ME1: variants seen among roughly 807,000 people sequenced by gnomAD.
The protein encoded by ME1 is malic enzyme 1, also known as NADP-dependent malic enzyme.
In ME1, 74 loss-of-function variants were observed where a neutral mutation model predicts 66.4. That is an observed-to-expected ratio of 1.11 (90% CI 0.92 to 1.35). ME1 has a LOEUF of 1.35. Among genes scored for constraint, ME1 ranks in the 40% most tolerant of loss-of-function variants. ME1 has a pLI of 0.00. For synonymous variants in ME1, 251 were observed against 235.6 expected (o/e 1.07, Z -0.60); for missense variants, 750 against 694.1 (o/e 1.08, Z -0.90).
At chr6:83,239,422 C>G (rs1790471126) in intron 8 of ME1, 117 bp downstream of exon 8, 2 of 621,124 alleles carry the variant, frequency 3.2e-6, no homozygotes, top group Admixed American at 5.4e-5. Flanking sequence ...TTCCATAAAG[C>G]CTACAGTCAT....
At chr6:83,345,541 T>G (rs1302420678) in intron 5 of ME1, among the ~76,000 whole-genome samples, 1 of 152,188 alleles carries the variant, frequency 6.6e-6, no homozygotes, top group Non-Finnish European at 1.5e-5. Context: ...TGATGATATA[T>G]CTGTTTGGGA....
At chr6:83,269,548 A>C (rs924383164) in intron 6 of ME1, among the ~76,000 whole-genome samples, 1 of 152,146 alleles carries the variant, frequency 6.6e-6, no homozygotes, top group Non-Finnish European at 1.5e-5. Context: ...AGTTTTCTAA[A>C]TTGTCTAATT....
intron 3 of ME1, chr6:83,393,035 T>C: frequency 1.6e-6 from 2 of 1,245,010 alleles, no homozygotes; most frequent in Non-Finnish European, 2.3e-6. Flanking sequence ...CTGCCTCTAC[T>C]GGTGCTGCCA....
At position 83,352,152 on chromosome 6, in the gene ME1, A is replaced by AG; in HGVS notation, c.363-14_363-13insC. On this transcript the variant is annotated splice_polypyrimidine_tract_variant and intron_variant, in intron 3 of 13. Transcript: ENST00000369705. Reference sequence around the variant, plus strand: ...AATAAAGAGACCTCTGCAGAAAAAAAAAAAAAAAAAGGAGTAGTTTACATT... The same window carrying AG: ...AATAAAGAGACCTCTGCAGAAAAAAAGAAAAAAAAAAGGAGTAGTTTACATT... 1 of 1,504,068 alleles carries AG rather than the reference A, an allele frequency of 6.6e-7. No homozygotes were observed. The highest frequency in any genetic ancestry group is 8.9e-7 in the Non-Finnish European group (1 of 1,126,694). The allele number at this position is 1,504,068 out of a possible 1,614,324, so 93.2% of individuals were successfully genotyped here. A position where few individuals can be genotyped will look rare whatever the true frequency, so the allele number is the denominator to read the frequency against.
chr6:83,280,614 T>C (rs1002374249), intron 6 of ME1, among the ~76,000 whole-genome samples: 12 of 152,230 alleles, frequency 7.9e-5, no homozygotes, highest in African/African-American at 2.9e-4. Context: ...TTTCACATTT[T>C]GTCTCCACTA....
chr6:83,406,213 C>A (rs1010413018), intron 2 of ME1, among the ~76,000 whole-genome samples: 2 of 152,144 alleles, frequency 1.3e-5, no homozygotes, highest in East Asian at 3.9e-4. Flanking sequence ...TTTTGATGTG[C>A]TGCTGGATTC....
chr6:83,233,478 T>C (rs1413507277), intron 9 of ME1, among the ~76,000 whole-genome samples: 2 of 152,040 alleles, frequency 1.3e-5, no homozygotes, highest in Non-Finnish European at 2.9e-5. Context: ...CCACTGCACA[T>C]ATGGATATGG....
intron 3 of ME1, among the ~76,000 whole-genome samples, chr6:83,379,019 C>T (rs1342819743): frequency 1.3e-5 from 2 of 152,056 alleles, no homozygotes; most frequent in Non-Finnish European, 2.9e-5. Flanking sequence ...TATAGAAATG[C>T]TCTAATTACT....
intron 11 of ME1, 66 bp from the exon 12 acceptor site, chr6:83,223,999 A>C: frequency 7.2e-7 from 1 of 1,389,914 alleles, no homozygotes; most frequent in Non-Finnish European, 1.0e-6. Context: ...AATGTATCAT[A>C]ACAGAACTAC....
intron 3 of ME1, among the ~76,000 whole-genome samples, chr6:83,367,340 T>TA (rs1769117390): frequency 6.6e-6 from 1 of 152,146 alleles, no homozygotes; most frequent in Admixed American, 6.5e-5. Context: ...GGCTTCAACT[T>TA]AGAGTCACCA....
chr6:83,343,190 C>T (rs1768622132), intron 5 of ME1, among the ~76,000 whole-genome samples: 1 of 152,178 alleles, frequency 6.6e-6, no homozygotes, highest in Non-Finnish European at 1.5e-5. Context: ...CACACCCTTC[C>T]CAGCCTTTGG....
chr6:83,287,629 T>C (rs1402943656), intron 6 of ME1, among the ~76,000 whole-genome samples: 1 of 152,210 alleles, frequency 6.6e-6, no homozygotes, highest in East Asian at 1.9e-4. Flanking sequence ...TGCATGTGTC[T>C]TTATCGTAGA....
At chr6:83,308,589 T>C (rs1371726252) in intron 6 of ME1, among the ~76,000 whole-genome samples, 1 of 151,616 alleles carries the variant, frequency 6.6e-6, no homozygotes, top group Non-Finnish European at 1.5e-5. Context: ...TCTAATAAGT[T>C]CTTCCATTCA....
At chr6:83,341,040 A>G (rs1157375800) in intron 5 of ME1, among the ~76,000 whole-genome samples, 1 of 152,076 alleles carries the variant, frequency 6.6e-6, no homozygotes, top group Non-Finnish European at 1.5e-5. Context: ...AACGCTGGCC[A>G]TGCCAGAAAG....
intron 6 of ME1, among the ~76,000 whole-genome samples, chr6:83,297,481 C>T (rs757096210): frequency 1.1e-4 from 17 of 152,180 alleles, no homozygotes; most frequent in African/African-American, 1.4e-4. Context: ...TATGGAACCA[C>T]GAAAAAACCT....
rs542530634 is a variant in ME1 at position 83,394,739 on chromosome 6, A to G, written c.362+3628T>C. On this transcript the variant is annotated intron_variant, in intron 3 of 13. Coordinates refer to ENST00000369705, the MANE Select transcript of ME1 (RefSeq NM_002395.6). Reference sequence around the variant, plus strand: ...TCTTTAAATTCAGAGCCAAAAGTAGAAAGACATATGCAACTTGAACTTTTG... The same window carrying G: ...TCTTTAAATTCAGAGCCAAAAGTAGGAAGACATATGCAACTTGAACTTTTG... Among the ~76,000 whole-genome samples, 292 of 152,322 alleles carry G rather than the reference A, an allele frequency of 1.9e-3. 2 individuals are homozygous for G. Among genetic ancestry groups the G allele is most frequent in the African/African-American group, 6.8e-3 (282 of 41,586 alleles).
At chr6:83,310,764 T>A (rs1224928729) in intron 6 of ME1, among the ~76,000 whole-genome samples, 6 of 152,016 alleles carry the variant, frequency 3.9e-5, no homozygotes, top group Admixed American at 3.9e-4. Context: ...CACAAAAAGC[T>A]CAGAGAAAGT....
At chr6:83,357,790 G>A (rs1768918777) in intron 3 of ME1, among the ~76,000 whole-genome samples, 3 of 150,788 alleles carry the variant, frequency 2.0e-5, no homozygotes, top group South Asian at 4.2e-4. Flanking sequence ...CTCGAACATC[G>A]AACTCCAAGT....
intron 6 of ME1, among the ~76,000 whole-genome samples, chr6:83,309,802 G>T (rs952072854): frequency 2.0e-5 from 3 of 152,072 alleles, no homozygotes; most frequent in African/African-American, 7.2e-5. Context: ...AGGGAGTGGG[G>T]AAGATGAAAA....
Sources: gnomAD v4.1 joint callset for allele counts (sites outside exome capture counted in the v4.1 genomes callset) on GRCh38, gnomAD v4.1.1 for gene constraint, MANE v1.5 for transcripts, NCBI Gene and HGNC (gene_info 2026-07-23, HGNC 2026-07-21) for gene names.